Variants in FFAR1 observed in about 807,000 individuals in gnomAD.
FFAR1 encodes G-protein coupled receptor 40.
For synonymous variants in FFAR1, 216 were observed against 201.5 expected, an observed-to-expected ratio of 1.07 and a Z score of -0.61; for missense variants, 424 against 396.2, an observed-to-expected ratio of 1.07 and a Z score of -0.60.
At chr19:35,351,661 G>C (rs200173092) in exon 1 of FFAR1, 76 of 1,553,344 alleles carry the variant, frequency 4.9e-5, no homozygotes, top group Non-Finnish European at 6.1e-6. Flanking sequence ...GCCCGGCTCC[G>C]TCTCACCCCT....
chr19:35,348,337 G>A (rs960072813), upstream of FFAR1, among the ~76,000 whole-genome samples: 2 of 152,202 alleles, frequency 1.3e-5, no homozygotes, highest in East Asian at 1.9e-4. Flanking sequence ...GGTGGATCAC[G>A]CCTGTAATCA....
At chr19:35,351,771 C>T (rs1420636220) in exon 1 of FFAR1, 2 of 1,575,360 alleles carry the variant, frequency 1.3e-6, no homozygotes, top group Admixed American at 1.8e-5. Context: ...GGCCTGGCCT[C>T]TGCCGGCCTC....
At chr19:35,352,086 G>A (rs2145692447) in exon 1 of FFAR1, 1 of 1,612,964 alleles carries the variant, frequency 6.2e-7, no homozygotes, top group Non-Finnish European at 8.5e-7. Context: ...CCCGGCCTCT[G>A]CCGGCCCGGC....
At position 35,352,098 on chromosome 19, in the gene FFAR1, C is replaced by T. The variant is rs762735568; in HGVS notation, c.547C>T (p.Arg183Cys). The T allele has an allele frequency of 4.3e-6, 7 of 1,612,722 alleles. No individual in the cohort carries two copies. The East Asian group carries it at 6.7e-5, about 15-fold the overall frequency. ...GGACCCGGCCTCTGCCGGCCCGGCC[C>T]GCTTCAGCCTCTCTCTCCTGCTCTT... Residue 183 changes from arginine (R) to cysteine (C), a missense_variant, in exon 1 of 1, where the codon CGC (arginine) becomes TGC (cysteine). Arg to Cys is a radical substitution (Grantham distance 180, BLOSUM62 -3). Coordinates refer to ENST00000246553, the Ensembl canonical transcript of FFAR1.
exon 1 of FFAR1, chr19:35,351,862 G>A (rs753588393): frequency 2.4e-5 from 38 of 1,613,444 alleles, no homozygotes; most frequent in Non-Finnish European, 6.8e-6. Context: ...AGTGCAGGCC[G>A]CTACCTGGGA....
rs765530284 is a variant in FFAR1, at chr19:35,351,759, G to A, written c.208G>A (p.Gly70Arg). ...GAAGGCGGTGGAGGCGCTAGCCTCC[G>A]GGGCCTGGCCTCTGCCGGCCTCGCT... is the stretch of plus-strand genomic sequence containing the variant. The change falls in exon 1 of 1, where the codon GGG becomes AGG. Residue 70 changes from glycine (G) to arginine (R), a missense_variant. Coordinates refer to ENST00000246553, the Ensembl canonical transcript of FFAR1. 3.8e-5 allele frequency: 59 copies of A among 1,569,634 alleles called. No homozygotes were observed. In the Middle Eastern group the frequency reaches 1.3e-3, roughly 35 times the overall value.
At chr19:35,350,481 A>G (rs1258449512), upstream of FFAR1, among the ~76,000 whole-genome samples, 1 of 152,178 alleles carries the variant, frequency 6.6e-6, no homozygotes, top group Non-Finnish European at 1.5e-5. Flanking sequence ...ACCTGGCCCC[A>G]GCGCAGGTGT....
exon 1 of FFAR1, chr19:35,352,465 C>G (rs1448739015): frequency 6.5e-7 from 1 of 1,548,986 alleles, no homozygotes; most frequent in Non-Finnish European, 8.7e-7. Context: ...CGCCACTGCT[C>G]GGGGGAAGGA....
upstream of FFAR1, among the ~76,000 whole-genome samples, chr19:35,348,336 C>T (rs1034131873): frequency 3.3e-5 from 5 of 152,224 alleles, no homozygotes; most frequent in Admixed American, 3.3e-4. Flanking sequence ...TGGTGGATCA[C>T]GCCTGTAATC....
chr19:35,349,230 C>A (rs977136998), upstream of FFAR1, among the ~76,000 whole-genome samples: 1 of 152,152 alleles, frequency 6.6e-6, no homozygotes, highest in Non-Finnish European at 1.5e-5. Context: ...AAGACGATGT[C>A]GCACTGAAGA....
upstream of FFAR1, among the ~76,000 whole-genome samples, chr19:35,350,351 C>T (rs2066938850): frequency 6.6e-6 from 1 of 152,228 alleles, no homozygotes; most frequent in South Asian, 2.1e-4. Flanking sequence ...ACTCCTTACC[C>T]CACACACCCA....
At chr19:35,351,954 C>A in exon 1 of FFAR1, 1 of 1,614,166 alleles carries the variant, frequency 6.2e-7, no homozygotes, top group Non-Finnish European at 8.5e-7. Flanking sequence ...GGCCCTCGTC[C>A]TGTGTCACCT....
At chr19:35,349,414 G>A (rs1489395631), upstream of FFAR1, among the ~76,000 whole-genome samples, 2 of 152,224 alleles carry the variant, frequency 1.3e-5, no homozygotes, top group African/African-American at 2.4e-5. Context: ...TGCAGGAGGG[G>A]AAACCACACT....
At chr19:35,351,199 C>T (rs1181216631), upstream of FFAR1, among the ~76,000 whole-genome samples, 1 of 152,220 alleles carries the variant, frequency 6.6e-6, no homozygotes, top group African/African-American at 2.4e-5. Flanking sequence ...CCCCTCCTCC[C>T]CACAGAGTCT....
chr19:35,350,118 C>T (rs2066937919), upstream of FFAR1, among the ~76,000 whole-genome samples: 1 of 152,146 alleles, frequency 6.6e-6, no homozygotes, highest in African/African-American at 2.4e-5. Flanking sequence ...TGTGCCACCC[C>T]TTGACAGGCA....
At position 35,352,086 on chromosome 19, in the gene FFAR1, G is replaced by GCCGGC. The variant is rs756000533; in HGVS notation, c.544_548dup (p.Phe184ProfsTer33). 1.3e-5 allele frequency: 21 copies of GCCGGC among 1,612,964 alleles called. No individual in the cohort carries two copies. The South Asian group carries it at 1.3e-4, about 10-fold the overall frequency. Reference sequence around the variant, plus strand: ...CCTGGAGGCCTGGGACCCGGCCTCTGCCGGCCCGGCCCGCTTCAGCCTCTC... The same window carrying GCCGGC: ...CCTGGAGGCCTGGGACCCGGCCTCTGCCGGCCCGGCCCGGCCCGCTTCAGCCTCTC... On this transcript the variant is annotated frameshift_variant, in exon 1 of 1. Coordinates refer to ENST00000246553, the Ensembl canonical transcript of FFAR1. LOFTEE classifies it low-confidence loss of function (END_TRUNC).
upstream of FFAR1, among the ~76,000 whole-genome samples, chr19:35,348,343 A>C (rs2066929789): frequency 6.6e-6 from 1 of 152,262 alleles, no homozygotes; most frequent in African/African-American, 2.4e-5. Flanking sequence ...TCACGCCTGT[A>C]ATCACAGCAC....
At chr19:35,349,395 C>T (rs531378412), upstream of FFAR1, among the ~76,000 whole-genome samples, 2 of 152,326 alleles carry the variant, frequency 1.3e-5, no homozygotes, top group South Asian at 2.1e-4. Context: ...CCCAGGGCTT[C>T]GCTCTTGCTG....
At chr19:35,352,602 G>T (rs929393185) in exon 1 of FFAR1, 6 of 819,626 alleles carry the variant, frequency 7.3e-6, no homozygotes, top group South Asian at 1.8e-5. Flanking sequence ...GCCTGCTGAG[G>T]GCAGCACCCC....
Sources: gnomAD v4.1 joint callset for allele counts (sites outside exome capture counted in the v4.1 genomes callset) on GRCh38, gnomAD v4.1.1 for gene constraint, MANE v1.5 for transcripts, NCBI Gene and HGNC (gene_info 2026-07-23, HGNC 2026-07-21) for gene names.